LARGE1: variants seen among roughly 807,000 people sequenced by gnomAD.
LARGE1 encodes LARGE xylosyl- and glucuronyltransferase 1.
In LARGE1, 43 loss-of-function variants were observed where a neutral mutation model predicts 87.6. The observed-to-expected ratio is 0.49, with a 90% CI of 0.38 to 0.63. The LOEUF (loss-of-function observed/expected upper bound fraction) is 0.63. Ranked by LOEUF, LARGE1 falls within the 30% of genes least tolerant of loss-of-function variation. LARGE1 has a pLI of 0.00. For missense variants in LARGE1, 802 were observed against 1,000.2 expected, an observed-to-expected ratio of 0.80 and a Z score of 2.67; for synonymous variants, 434 against 394.6, an observed-to-expected ratio of 1.10 and a Z score of -1.18.
In LARGE1 at chr22:33,530,215, G is replaced by T. The variant is rs973238638; in HGVS notation, c.787+34633C>A. ...CACCTGGAGCTATGGCAGCCATCTT[G>T]CAACTATGAAGTGGAAAGCATGAAG... is the stretch of plus-strand genomic sequence containing the variant. On this transcript the variant is annotated intron_variant, in intron 6 of 14. Coordinates refer to ENST00000397394, the MANE Select transcript of LARGE1 (RefSeq NM_133642.5). Among the ~76,000 whole-genome samples, 24 of 152,156 alleles carry T rather than the reference G, an allele frequency of 1.6e-4. 2 individuals are homozygous for T. The highest frequency in any genetic ancestry group is 1.4e-3 in the Admixed American group (22 of 15,274).
chr22:33,897,325 A>G (rs553207362), intron 1 of LARGE1, among the ~76,000 whole-genome samples: 47 of 152,314 alleles, frequency 3.1e-4, no homozygotes, highest in Non-Finnish European at 4.6e-4. Flanking sequence ...GCTCACCCAA[A>G]AAGCTGCAAG....
intron 1 of LARGE1, among the ~76,000 whole-genome samples, chr22:33,843,286 T>C (rs953468400): frequency 6.6e-6 from 1 of 151,792 alleles, no homozygotes; most frequent in Admixed American, 6.6e-5. Context: ...GGATTGGCAC[T>C]TTGGGCCAGG....
At chr22:33,446,597 C>T (rs1212158954) in intron 6 of LARGE1, among the ~76,000 whole-genome samples, 1 of 152,214 alleles carries the variant, frequency 6.6e-6, no homozygotes, top group African/African-American at 2.4e-5. Flanking sequence ...AAAAACACCT[C>T]TGCAGGGACT....
intron 4 of LARGE1, among the ~76,000 whole-genome samples, chr22:33,609,162 G>GAGCT (rs2079351996): frequency 6.6e-6 from 1 of 152,192 alleles, no homozygotes; most frequent in South Asian, 2.1e-4. Flanking sequence ...GGTGATGAAT[G>GAGCT]AGCTACGAGT....
chr22:33,609,653 T>A (rs1336175702), intron 4 of LARGE1, among the ~76,000 whole-genome samples: 1 of 152,134 alleles, frequency 6.6e-6, no homozygotes, highest in Non-Finnish European at 1.5e-5. Flanking sequence ...CCAGCTATAC[T>A]GAGGGCTGAT....
At chr22:33,291,640 C>T (rs1354960401) in intron 12 of LARGE1, among the ~76,000 whole-genome samples, 1 of 150,110 alleles carries the variant, frequency 6.7e-6, no homozygotes, top group Non-Finnish European at 1.5e-5. Context: ...TGTATTACAT[C>T]AATACATACA....
At chr22:33,479,450 G>A (rs763279411) in intron 6 of LARGE1, among the ~76,000 whole-genome samples, 8 of 152,150 alleles carry the variant, frequency 5.3e-5, no homozygotes, top group Non-Finnish European at 8.8e-5. Context: ...TCAATTCCAT[G>A]GGAAGATAAA....
chr22:33,631,928 G>A (rs1416177617), intron 3 of LARGE1, among the ~76,000 whole-genome samples: 1 of 152,206 alleles, frequency 6.6e-6, no homozygotes, highest in Non-Finnish European at 1.5e-5. Context: ...GCTCCATTAT[G>A]ATCTGATGGG....
intron 1 of LARGE1, among the ~76,000 whole-genome samples, chr22:33,855,294 A>G (rs2063726078): frequency 6.6e-6 from 1 of 152,186 alleles, no homozygotes; most frequent in Non-Finnish European, 1.5e-5. Context: ...AGATCGCGCC[A>G]CCACACTCCA....
chr22:33,779,719 G>A (rs762701790), intron 1 of LARGE1, among the ~76,000 whole-genome samples: 7 of 152,104 alleles, frequency 4.6e-5, no homozygotes, highest in Non-Finnish European at 1.0e-4. Context: ...CCGGGAGGCG[G>A]AGGTTGCAGT....
chr22:33,612,439 CA>C (rs1271278700), intron 4 of LARGE1, among the ~76,000 whole-genome samples: 1 of 152,154 alleles, frequency 6.6e-6, no homozygotes, highest in African/African-American at 2.4e-5. Context: ...AACAGTCTAA[CA>C]GGGATAGGTG....
chr22:33,697,458 A>G (rs1366289385), intron 2 of LARGE1, among the ~76,000 whole-genome samples: 1 of 140,936 alleles, frequency 7.1e-6, no homozygotes, highest in Non-Finnish European at 1.5e-5. Flanking sequence ...GCACTTTGGG[A>G]GCCCAAGGCG....
At chr22:33,390,351 G>A (rs1310241797) in intron 7 of LARGE1, among the ~76,000 whole-genome samples, 2 of 152,176 alleles carry the variant, frequency 1.3e-5, no homozygotes, top group Non-Finnish European at 2.9e-5. Context: ...TGCTAAGTTT[G>A]CATCGATGTG....
intron 1 of LARGE1, among the ~76,000 whole-genome samples, chr22:33,905,882 C>T (rs1362288888): frequency 6.6e-6 from 1 of 152,236 alleles, no homozygotes; most frequent in Admixed American, 6.5e-5. Context: ...GTAATCCCAG[C>T]AGTTTGGGAG....
intron 1 of LARGE1, among the ~76,000 whole-genome samples, chr22:33,765,505 AC>A (rs2084872185): frequency 6.6e-6 from 1 of 151,808 alleles, no homozygotes; most frequent in African/African-American, 2.4e-5. Flanking sequence ...GGAGTTCAAA[AC>A]CCGCCTAGCC....
chr22:33,571,115 A>G (rs1000894054), intron 5 of LARGE1, among the ~76,000 whole-genome samples: 3 of 152,224 alleles, frequency 2.0e-5, no homozygotes, highest in African/African-American at 7.2e-5. Flanking sequence ...ATGGCTGTTA[A>G]TAATTCTAAG....
intron 9 of LARGE1, among the ~76,000 whole-genome samples, chr22:33,338,295 C>T (rs559918042): frequency 6.6e-6 from 1 of 152,260 alleles, no homozygotes; most frequent in Admixed American, 6.5e-5. Flanking sequence ...TTCAGCCCAG[C>T]AGTGGCACCT....
At chr22:33,447,157 G>T (rs2067716061) in intron 6 of LARGE1, among the ~76,000 whole-genome samples, 1 of 152,240 alleles carries the variant, frequency 6.6e-6, no homozygotes, top group Non-Finnish European at 1.5e-5. Context: ...GCCTCCCAAA[G>T]TGCTGGGATT....
the LARGE1 span, among the ~76,000 whole-genome samples, chr22:33,123,217 T>TA: frequency 0.64 from 97,105 of 151,944 alleles, 31,189 homozygotes; most frequent in South Asian, 0.76. Flanking sequence ...TAGAGGGCCA[T>TA]AAAGCCTGCA....
Sources: gnomAD v4.1 joint callset for allele counts (sites outside exome capture counted in the v4.1 genomes callset) on GRCh38, gnomAD v4.1.1 for gene constraint, MANE v1.5 for transcripts, NCBI Gene and HGNC (gene_info 2026-07-23, HGNC 2026-07-21) for gene names.